KIF7: variants seen among roughly 807,000 people sequenced by gnomAD.
KIF7 encodes the protein kinesin-like protein KIF7.
KIF7 carries 104 observed loss-of-function variants against 135.7 expected under a neutral mutation model. That is an observed-to-expected ratio of 0.77 (90% CI 0.65 to 0.90). The LOEUF is 0.90. Among genes scored for constraint, KIF7 ranks in the 40% least tolerant of loss-of-function variants. KIF7 has a pLI of 0.00. For synonymous variants in KIF7, 883 were observed against 809.4 expected, an observed-to-expected ratio of 1.09 and a Z score of -1.54; for missense variants, 2,005 against 1,839.1, an observed-to-expected ratio of 1.09 and a Z score of -1.65.
rs1425831510 is a variant in KIF7, at chr15:89,649,214, C to G, written c.683G>C (p.Arg228Pro). 1 of 1,546,200 alleles carries G rather than the reference C, an allele frequency of 6.5e-7. No homozygotes were observed. The highest frequency in any genetic ancestry group is 8.7e-7 in the Non-Finnish European group (1 of 1,145,630). Reference protein sequence around the residue: ...HTVFTVTLEQRGRAPSRLPRP... With the variant: ...HTVFTVTLEQPGRAPSRLPRP... The stretch of plus-strand genomic sequence containing the variant: ...GGGTAGGCGGCTGGGGGCGCGCCCC[C>G]GCTGCTCCAGGGTCACGGTGAAGAC... The change falls in exon 4 of 19, where the codon CGG becomes CCG. Residue 228 changes from arginine to proline, a missense_variant. By Grantham distance (103) the Arg-to-Pro change is moderately radical. Transcript: ENST00000394412.
At chr15:89,638,335 T>C (rs1457918181) in intron 11 of KIF7, among the ~76,000 whole-genome samples, 14 of 142,462 alleles carry the variant, frequency 9.8e-5, no homozygotes, top group Non-Finnish European at 1.4e-4. Flanking sequence ...GGGTATTCAA[T>C]TAGGAAAAGA....
chr15:89,624,402 C>G, downstream of KIF7: 1 of 1,614,192 alleles, frequency 6.2e-7, no homozygotes, highest in Non-Finnish European at 8.5e-7. Flanking sequence ...CCCCTGAACT[C>G]TCACAGAGAG....
At chr15:89,625,819 G>T, downstream of KIF7, 1 of 1,572,172 alleles carries the variant, frequency 6.4e-7, no homozygotes, top group Non-Finnish European at 8.6e-7. Context: ...GTTTCCTCAT[G>T]GTTTCTTTTG....
At chr15:89,630,670 C>A in intron 15 of KIF7, 177 bp from the exon 16 acceptor site, 1 of 663,448 alleles carries the variant, frequency 1.5e-6, no homozygotes. Flanking sequence ...GCCCCAACCC[C>A]AGGGTGAGCT....
In KIF7 at chr15:89,631,621, G is replaced by C; in HGVS notation, c.2985C>G (p.Gly995=). The C allele has an allele frequency of 6.4e-7, 1 of 1,560,794 alleles. No individual in the cohort carries two copies. Among genetic ancestry groups the C allele is most frequent in the South Asian group, 1.2e-5 (1 of 85,106 alleles). The change falls in exon 15 of 19, where the codon GGC becomes GGG. Residue 995 remains glycine (G), a synonymous_variant. Transcript: ENST00000394412. Reference sequence around the variant, plus strand: ...GGATCTGCTGCTGGCTCTGGGCGCTGCCCTGCCGCAGCTGCCCGCTCTTCT... The same window carrying C: ...GGATCTGCTGCTGGCTCTGGGCGCTCCCCTGCCGCAGCTGCCCGCTCTTCT... ...LSEKSGQLRQ[G]SAQSQQQIRG... is the part of the protein sequence containing the mutation.
At position 89,648,460 on chromosome 15, in the gene KIF7, C is replaced by A; in HGVS notation, c.1238G>T (p.Arg413Leu). 1.9e-6 allele frequency: 2 copies of A among 1,068,158 alleles called. No individual in the cohort carries two copies. The highest frequency in any genetic ancestry group is 4.3e-5 in the South Asian group (1 of 23,272). 66.2% of individuals were successfully genotyped at this position (1,068,158 alleles called of 1,614,324 possible). Residue 413 changes from arginine to leucine, a missense_variant, in exon 5 of 19, where the codon CGG becomes CTG. Arg to Leu is a moderately radical substitution (Grantham distance 102, BLOSUM62 -2). Coordinates refer to ENST00000394412, the MANE Select transcript of KIF7 (RefSeq NM_198525.3). Reference sequence around the variant, plus strand: ...GCTGTAGGCGGCGTCGGTGCAGGCCCGGTAGCGCGCGCACTCGGCGCCCAG... The same window carrying A: ...GCTGTAGGCGGCGTCGGTGCAGGCCAGGTAGCGCGCGCACTCGGCGCCCAG... ...MRLGAECARY[R>L]ACTDAAYSLL...
chr15:89,653,045 T>C (rs1309742203), intron 1 of KIF7, 91 bp from the exon 2 acceptor site: 5 of 1,040,030 alleles, frequency 4.8e-6, no homozygotes, highest in Admixed American at 5.8e-5. Context: ...ATCCTGCAGC[T>C]CCTGACCTTG....
chr15:89,627,015 T>G, downstream of KIF7: 1 of 1,614,138 alleles, frequency 6.2e-7, no homozygotes, highest in Non-Finnish European at 8.5e-7. Context: ...TCGCGCTTTC[T>G]CCAGGAGGCG....
At chr15:89,630,730 A>G (rs552276695) in intron 15 of KIF7, 6 of 586,804 alleles carry the variant, frequency 1.0e-5, no homozygotes, top group Non-Finnish European at 1.8e-5. Flanking sequence ...TCTGTGAATG[A>G]TCTACATTCA....
At chr15:89,647,190 C>G (rs1239170106) in intron 6 of KIF7, 133 bp from the exon 7 acceptor site, 2 of 757,774 alleles carry the variant, frequency 2.6e-6, no homozygotes, top group African/African-American at 3.4e-5. Context: ...TACTCCTCTC[C>G]TCCCCAACAA....
In KIF7 at chr15:89,630,191, G is replaced by A. The variant is rs542706994; in HGVS notation, c.3318+96C>T. ...GGTCCTGATTCTGTCCCCCAGTCTG[G>A]GAGGAAACGGGATATCCGCTGGAGC... On this transcript the variant is annotated intron_variant, in intron 16 of 18. Coordinates refer to ENST00000394412, the MANE Select transcript of KIF7 (RefSeq NM_198525.3). 14 of 1,155,238 alleles carry A rather than the reference G, an allele frequency of 1.2e-5. No individual in the cohort carries two copies. In the East Asian group the frequency reaches 3.4e-4, roughly 28 times the overall value. 71.6% of individuals were successfully genotyped at this position (1,155,238 alleles called of 1,614,324 possible).
chr15:89,620,217 A>G (rs573377761), intron 1 of KIF7, among the ~76,000 whole-genome samples: 1 of 152,116 alleles, frequency 6.6e-6, no homozygotes, highest in East Asian at 1.9e-4. Context: ...TTCTTATTTT[A>G]TCTTTTTTTG....
rs1474989094 is a variant in KIF7 at position 89,629,338 on chromosome 15, GGGGCCGGGGTTGTGAGCCAT to G, written c.3517+17_3517+36del. On this transcript the variant is annotated intron_variant, in intron 17 of 18. Transcript: ENST00000394412. ...GAAGATGGGGGTGGGGGGGATGGAGGGGGCCGGGGTTGTGAGCCATGGGCCGGGCTGCTCACCTCGACTCT... is the reference window on the plus strand; with the variant it reads ...GAAGATGGGGGTGGGGGGGATGGAGGGGGCCGGGCTGCTCACCTCGACTCT... The G allele has an allele frequency of 4.6e-6, 7 of 1,505,694 alleles. No individual in the cohort carries two copies. The highest frequency in any genetic ancestry group is 3.6e-5 in the Admixed American group (2 of 55,068). The allele number at this position is 1,505,694 out of a possible 1,614,324, so 93.3% of individuals were successfully genotyped here.
At chr15:89,639,651 G>A (rs1963880558) in intron 11 of KIF7, among the ~76,000 whole-genome samples, 2 of 136,674 alleles carry the variant, frequency 1.5e-5, no homozygotes, top group Non-Finnish European at 3.2e-5. Context: ...AACAGGTGCT[G>A]GAGAGGATGT....
downstream of KIF7, chr15:89,623,674 A>G (rs760096546): frequency 1.7e-5 from 28 of 1,612,732 alleles, no homozygotes; most frequent in East Asian, 6.2e-4. Context: ...AACTACACCA[A>G]GAAGGATCTC....
chr15:89,635,750 T>C (rs1486974189), intron 11 of KIF7, among the ~76,000 whole-genome samples: 1 of 152,146 alleles, frequency 6.6e-6, no homozygotes, highest in Non-Finnish European at 1.5e-5. Flanking sequence ...TGGAAAACAC[T>C]CTGCAGGATA....
At chr15:89,648,866 C>T in intron 4 of KIF7, 92 bp from the exon 5 acceptor site, 1 of 1,467,600 alleles carries the variant, frequency 6.8e-7, no homozygotes, top group East Asian at 2.5e-5. Flanking sequence ...GGCGCGGTTC[C>T]CGTGGGCTGG....
upstream of KIF7, among the ~76,000 whole-genome samples, chr15:89,659,258 C>CA (rs1162545656): frequency 6.6e-6 from 1 of 152,006 alleles, no homozygotes; most frequent in Non-Finnish European, 1.5e-5. Context: ...CTAGGCCTGG[C>CA]ATGATGACTC....
downstream of KIF7, chr15:89,626,929 A>G: frequency 1.9e-6 from 3 of 1,609,458 alleles, no homozygotes; most frequent in Middle Eastern, 1.7e-4. Flanking sequence ...TGACTCCTGC[A>G]TGCTAAGCCT....
Sources: allele counts gnomAD v4.1 joint callset (sites outside exome capture counted in the v4.1 genomes callset), GRCh38; gene constraint gnomAD v4.1.1; transcripts MANE v1.5; gene names NCBI Gene and HGNC (gene_info 2026-07-23, HGNC 2026-07-21).